The following USP28 variants were observed in gnomAD, a reference collection of about 807,000 sequenced individuals.
USP28 encodes the protein ubiquitin specific peptidase 28.
Under a neutral mutation model 145.0 loss-of-function variants are expected in USP28, and 113 were observed. The ratio of observed to expected loss-of-function variants is 0.78; its 90% CI spans 0.67 to 0.91. The LOEUF is 0.91. USP28 is among the 40% of genes least tolerant of loss of function. The pLI is 0.00. For synonymous variants in USP28, 447 were observed against 450.9 expected (o/e 0.99, Z 0.11); for missense variants, 1,201 against 1,289.6 (o/e 0.93, Z 1.05).
In USP28 at chr11:113,840,517, A is replaced by G; in HGVS notation, c.534+81T>C. 7 of 1,510,926 alleles carry G rather than the reference A, an allele frequency of 4.6e-6. No homozygotes were observed. In the South Asian group the frequency reaches 9.1e-5, roughly 20 times the overall value. 93.6% of individuals were successfully genotyped at this position (1,510,926 alleles called of 1,614,324 possible). A position where few individuals can be genotyped will look rare whatever the true frequency, so the allele number is the denominator to read the frequency against. On this transcript the variant is annotated intron_variant, in intron 5 of 24. Transcript: ENST00000003302. ...TTTAAATATCTATTTTAATCCTTTG[A>G]AAGCTATGTTTCTACATTTCAGTTT...
At chr11:113,835,376 C>T (rs1944451677) in intron 5 of USP28, 1 of 454,508 alleles carries the variant, frequency 2.2e-6, no homozygotes, top group Admixed American at 2.4e-5. Context: ...AATAAAACAG[C>T]TTCTTGGTAT....
chr11:113,808,976 C>T, intron 17 of USP28, 87 bp downstream of exon 17: 1 of 1,337,654 alleles, frequency 7.5e-7, no homozygotes, highest in Admixed American at 2.1e-5. Context: ...TGTGGCATCA[C>T]CTAGCCAGCT....
intron 10 of USP28, among the ~76,000 whole-genome samples, chr11:113,827,872 A>G (rs1321731719): frequency 6.6e-6 from 1 of 152,212 alleles, no homozygotes; most frequent in Non-Finnish European, 1.5e-5. Context: ...CTTTATATAT[A>G]CAAAGGAAAT....
At chr11:113,824,580 A>G (rs1943072012) in intron 11 of USP28, among the ~76,000 whole-genome samples, 1 of 150,530 alleles carries the variant, frequency 6.6e-6, no homozygotes, top group Non-Finnish European at 1.5e-5. Flanking sequence ...CAGCCTCCCA[A>G]AGTGCTGGGA....
At chr11:113,866,628 A>C (rs1044601893) in intron 1 of USP28, among the ~76,000 whole-genome samples, 1 of 152,248 alleles carries the variant, frequency 6.6e-6, no homozygotes, top group Non-Finnish European at 1.5e-5. Flanking sequence ...ACTGTTATCT[A>C]ACAAAAACAA....
chr11:113,839,500 C>T (rs1335775555), intron 5 of USP28, among the ~76,000 whole-genome samples: 6 of 151,152 alleles, frequency 4.0e-5, no homozygotes, highest in Non-Finnish European at 7.4e-5. Context: ...CAAGAGGATC[C>T]CTTGAACCTG....
intron 4 of USP28, 105 bp from the exon 5 acceptor site, chr11:113,840,862 A>G: frequency 7.3e-7 from 1 of 1,376,708 alleles, no homozygotes; most frequent in Middle Eastern, 2.1e-4. Flanking sequence ...AACACCAGAA[A>G]AAGTATTTAC....
chr11:113,801,969 A>C (rs1939109803), intron 23 of USP28, among the ~76,000 whole-genome samples: 1 of 152,186 alleles, frequency 6.6e-6, no homozygotes, highest in Admixed American at 6.5e-5. Flanking sequence ...ACCTGTTTCA[A>C]CCAAAGACCT....
chr11:113,814,966 C>T (rs1036489709), intron 14 of USP28, among the ~76,000 whole-genome samples: 6 of 151,674 alleles, frequency 4.0e-5, no homozygotes, highest in African/African-American at 1.5e-4. Flanking sequence ...CCATGAAAAT[C>T]GCCTGAACCC....
At chr11:113,861,860 G>A (rs2051677) in intron 1 of USP28, among the ~76,000 whole-genome samples, 9,855 of 151,980 alleles carry the variant, frequency 0.065, 436 homozygotes, top group Non-Finnish European at 0.09. Context: ...CAAACATATC[G>A]AACACATCTC....
chr11:113,841,573 C>T (rs1218433208), intron 4 of USP28, 90 bp downstream of exon 4: 1 of 761,454 alleles, frequency 1.3e-6, no homozygotes. Flanking sequence ...AGGTGCTTAA[C>T]AGAATTATTC....
In USP28 at chr11:113,801,718, A is replaced by C. The variant is rs749975067; in HGVS notation, c.2863-40T>G. On this transcript the variant is annotated intron_variant, in intron 23 of 24. Coordinates refer to ENST00000003302, the Ensembl canonical transcript of USP28. Reference sequence around the variant, plus strand: ...TAGAATTAGGTGGGGAAGAGTCTGAAAAAGATAAATATCTCTTTAATAACA... The same window carrying C: ...TAGAATTAGGTGGGGAAGAGTCTGACAAAGATAAATATCTCTTTAATAACA... 5 of 1,503,228 alleles carry C rather than the reference A, an allele frequency of 3.3e-6. No homozygotes were observed. In the East Asian group the frequency reaches 1.1e-4, roughly 34 times the overall value. The allele number at this position is 1,503,228 out of a possible 1,614,324, so 93.1% of individuals were successfully genotyped here.
intron 3 of USP28, among the ~76,000 whole-genome samples, chr11:113,850,262 A>G (rs1231875527): frequency 1.3e-5 from 2 of 152,174 alleles, no homozygotes; most frequent in East Asian, 1.9e-4. Flanking sequence ...AGATATATAC[A>G]CTAAAAAAAC....
At chr11:113,846,473 T>C (rs968649024) in intron 3 of USP28, among the ~76,000 whole-genome samples, 2 of 152,156 alleles carry the variant, frequency 1.3e-5, no homozygotes, top group South Asian at 4.1e-4. Context: ...GTCAAATTCA[T>C]AGAAACAGAA....
chr11:113,862,279 G>A (rs561676953), intron 1 of USP28, among the ~76,000 whole-genome samples: 3 of 152,272 alleles, frequency 2.0e-5, no homozygotes, highest in East Asian at 1.9e-4. Flanking sequence ...CCCAGGAGGC[G>A]GAGGTTGCAG....
chr11:113,799,341 C>T, exon 25 of USP28: 1 of 1,614,218 alleles, frequency 6.2e-7, no homozygotes, highest in East Asian at 2.2e-5. Context: ...GTTGGAGGCT[C>T]TTTCAAGACG....
At chr11:113,813,533 T>C (rs1941299257) in intron 15 of USP28, among the ~76,000 whole-genome samples, 1 of 152,244 alleles carries the variant, frequency 6.6e-6, no homozygotes, top group African/African-American at 2.4e-5. Context: ...ATCATGGAAC[T>C]TTGGGAAAGA....
chr11:113,830,904 C>CAGCT lies in USP28; in HGVS notation c.869_872dup (p.Phe292AlafsTer9). Reference sequence around the variant, plus strand: ...CTTCAGTCAGGAAAGTACCATAGAACAGCTGCACCATTGGATTTTCAGATT... The same window carrying CAGCT: ...CTTCAGTCAGGAAAGTACCATAGAACAGCTAGCTGCACCATTGGATTTTCAGATT... On this transcript the variant is annotated frameshift_variant, in exon 9 of 25. Coordinates refer to ENST00000003302, the Ensembl canonical transcript of USP28. LOFTEE classifies it high-confidence loss of function. The CAGCT allele has an allele frequency of 6.2e-7, 1 of 1,614,054 alleles. No individual in the cohort carries two copies. Among genetic ancestry groups the CAGCT allele is most frequent in the Non-Finnish European group, 8.5e-7 (1 of 1,179,940 alleles).
At chr11:113,862,505 T>G (rs1198262384) in intron 1 of USP28, among the ~76,000 whole-genome samples, 1 of 152,072 alleles carries the variant, frequency 6.6e-6, no homozygotes, top group Non-Finnish European at 1.5e-5. Context: ...GGCATTTAAG[T>G]GGATTAATCT....
Sources: allele counts gnomAD v4.1 joint callset (sites outside exome capture counted in the v4.1 genomes callset), GRCh38; gene constraint gnomAD v4.1.1; transcripts MANE v1.5; gene names NCBI Gene and HGNC (gene_info 2026-07-23, HGNC 2026-07-21).